The following KCNH1 variants were observed in gnomAD, a reference collection of about 807,000 sequenced individuals.
KCNH1 encodes the protein voltage-gated delayed rectifier potassium channel KCNH1.
KCNH1 carries 27 observed loss-of-function variants against 69.2 expected under a neutral mutation model. The observed-to-expected ratio is 0.39, with a 90% CI of 0.29 to 0.54. KCNH1 has a LOEUF of 0.54. Among genes scored for constraint, KCNH1 ranks in the 20% least tolerant of loss-of-function variants. The pLI is 0.68. For synonymous variants in KCNH1, 456 were observed against 487.7 expected, an observed-to-expected ratio of 0.93 and a Z score of 0.86; for missense variants, 798 against 1,261.6, an observed-to-expected ratio of 0.63 and a Z score of 5.57.
chr1:210,871,128 G>A (rs1686232958), intron 7 of KCNH1, among the ~76,000 whole-genome samples: 1 of 152,174 alleles, frequency 6.6e-6, no homozygotes, highest in Admixed American at 6.5e-5. Context: ...TACAGAATGG[G>A]AGAAAATCTT....
At chr1:211,101,787 T>C (rs1237085280) in intron 3 of KCNH1, among the ~76,000 whole-genome samples, 2 of 152,218 alleles carry the variant, frequency 1.3e-5, no homozygotes, top group Non-Finnish European at 2.9e-5. Flanking sequence ...GCTGTGCCTA[T>C]TTCACAGAGA....
rs182524863 is a variant in KCNH1 at position 210,755,567 on chromosome 1, T to C, written c.2112+19781A>G. On this transcript the variant is annotated intron_variant, in intron 10 of 10. Coordinates refer to ENST00000271751, the MANE Select transcript of KCNH1 (RefSeq NM_172362.3). ...GGCATGCAAGCCCTTCCCTGGGTTT[T>C]CTTCTAGCCCAGCTCACAGTTTGAG... Among the ~76,000 whole-genome samples the C allele has an allele frequency of 9.0e-3, 1,373 of 152,324 alleles. 9 individuals are homozygous for C. Among genetic ancestry groups the C allele is most frequent in the Non-Finnish European group, 0.013 (909 of 68,018 alleles).
At chr1:210,934,382 C>T (rs1188653489) in intron 6 of KCNH1, among the ~76,000 whole-genome samples, 6 of 152,124 alleles carry the variant, frequency 3.9e-5, no homozygotes, top group East Asian at 1.9e-4. Flanking sequence ...GGGCTGGGCG[C>T]GGTGGCTCAC....
intron 7 of KCNH1, among the ~76,000 whole-genome samples, chr1:210,846,249 C>A (rs1000089656): frequency 2.6e-5 from 4 of 152,060 alleles, no homozygotes; most frequent in African/African-American, 9.7e-5. Flanking sequence ...GATATGGAAC[C>A]AAAAAAGAGC....
At chr1:210,718,108 GAAAACA>G (rs796459065) in intron 10 of KCNH1, among the ~76,000 whole-genome samples, 178 of 148,860 alleles carry the variant, frequency 1.2e-3, no homozygotes, top group African/African-American at 4.0e-3. Flanking sequence ...CTCCATCTCA[GAAAACA>G]AAAACAAAAA....
At chr1:210,856,789 A>T (rs369927472) in intron 7 of KCNH1, among the ~76,000 whole-genome samples, 4 of 122,088 alleles carry the variant, frequency 3.3e-5, no homozygotes, top group African/African-American at 1.2e-4. Flanking sequence ...TTATATATAT[A>T]TATATTTATA....
chr1:210,980,130 C>T (rs902747619), intron 6 of KCNH1, among the ~76,000 whole-genome samples: 2 of 152,114 alleles, frequency 1.3e-5, no homozygotes, highest in African/African-American at 4.8e-5. Context: ...AAATGGCTTC[C>T]TTCATGGTTG....
chr1:211,077,309 A>T (rs148624139), intron 5 of KCNH1, among the ~76,000 whole-genome samples: 1 of 152,134 alleles, frequency 6.6e-6, no homozygotes, highest in Admixed American at 6.5e-5. Context: ...TGATTGTCAG[A>T]TTCACCAAGG....
chr1:210,825,890 T>G (rs2102432307), intron 7 of KCNH1, among the ~76,000 whole-genome samples: 1 of 152,320 alleles, frequency 6.6e-6, no homozygotes, highest in Non-Finnish European at 1.5e-5. Context: ...TAATTATGAT[T>G]TTGGAAGACA....
Position 211,090,580 on chromosome 1 carries a change from C to T in KCNH1, c.421G>A (p.Glu141Lys). The change falls in exon 4 of 11, where the codon GAG becomes AAG. Residue 141 changes from glutamate (E) to lysine (K), a missense_variant. Glu to Lys is a moderately conservative substitution (Grantham distance 56, BLOSUM62 1). Around this residue, in one of 4 missense-constraint regions of KCNH1, gnomAD observed 266 missense variants for 457.2 expected, o/e 0.58. Transcript: ENST00000271751. ...TACAAACCTTTACATGAATCATCCT[C>T]AATTGGCTGTTTGAAAGCTGTTATG... ...SDITAFKQPI[E>K]DDSCKGWGKF... 6.2e-7 allele frequency: 1 copy of T among 1,605,926 alleles called. No homozygotes were observed. The highest frequency in any genetic ancestry group is 8.5e-7 in the Non-Finnish European group (1 of 1,178,332).
At chr1:210,905,212 A>G (rs1434027015) in intron 7 of KCNH1, among the ~76,000 whole-genome samples, 1 of 152,204 alleles carries the variant, frequency 6.6e-6, no homozygotes. Flanking sequence ...ATTTTAGGCA[A>G]ATGACTTATC....
intron 7 of KCNH1, among the ~76,000 whole-genome samples, chr1:210,829,458 A>T (rs1685112988): frequency 6.6e-6 from 1 of 151,868 alleles, no homozygotes; most frequent in Non-Finnish European, 1.5e-5. Context: ...GCAGCCAGTG[A>T]CTCCTTAAAA....
intron 10 of KCNH1, among the ~76,000 whole-genome samples, chr1:210,758,583 G>A (rs111563365): frequency 0.018 from 2,816 of 152,216 alleles, 90 homozygotes; most frequent in African/African-American, 0.064. Context: ...CTTAAAGAAG[G>A]GAGAATCACA....
intron 6 of KCNH1, among the ~76,000 whole-genome samples, chr1:211,011,384 G>A (rs1013419102): frequency 1.1e-4 from 16 of 152,292 alleles, no homozygotes; most frequent in Middle Eastern, 3.4e-3. Flanking sequence ...TCATTGATGG[G>A]AATTTGGGTT....
chr1:210,817,537 T>C (rs1045103802), intron 7 of KCNH1, among the ~76,000 whole-genome samples: 4 of 152,154 alleles, frequency 2.6e-5, no homozygotes, highest in African/African-American at 9.7e-5. Context: ...CAGTAACAGA[T>C]GGAAGAAAAC....
intron 10 of KCNH1, among the ~76,000 whole-genome samples, chr1:210,728,028 CAATT>C (rs1246606003): frequency 1.3e-5 from 2 of 152,218 alleles, no homozygotes. Context: ...GCACCAGAAT[CAATT>C]GATACTTGTT....
intron 6 of KCNH1, among the ~76,000 whole-genome samples, chr1:211,002,246 A>G (rs1558563063): frequency 6.7e-6 from 1 of 148,158 alleles, no homozygotes; most frequent in South Asian, 2.2e-4. Context: ...ATATATGTAT[A>G]CGTATATATA....
chr1:210,862,112 T>A, intron 7 of KCNH1: 1 of 1,145,258 alleles, frequency 8.7e-7, no homozygotes, highest in South Asian at 1.2e-5. Flanking sequence ...TTCAAATAGA[T>A]AACACCTGCC....
At chr1:210,736,785 C>T (rs917156010) in intron 10 of KCNH1, among the ~76,000 whole-genome samples, 5 of 152,098 alleles carry the variant, frequency 3.3e-5, no homozygotes, top group South Asian at 2.1e-4. Context: ...GTTCTGGAGC[C>T]GTTCTGATTA....
Sources: allele counts gnomAD v4.1 joint callset (sites outside exome capture counted in the v4.1 genomes callset), GRCh38; gene constraint gnomAD v4.1.1; regional missense constraint gnomAD v4.1.1; transcripts MANE v1.5; gene names NCBI Gene and HGNC (gene_info 2026-07-23, HGNC 2026-07-21).